KCNQ5: variants seen among roughly 807,000 people sequenced by gnomAD.
The protein encoded by KCNQ5 is potassium voltage-gated channel subfamily Q member 5, also known as potassium voltage-gated channel subfamily KQT member 5.
In KCNQ5, 30 loss-of-function variants were observed where a neutral mutation model predicts 98.2. The observed-to-expected ratio is 0.31, with a 90% CI of 0.23 to 0.41. The LOEUF is 0.41. Among genes scored for constraint, KCNQ5 ranks in the 10% least tolerant of loss-of-function variants. KCNQ5 has a pLI of 1.00. For synonymous variants in KCNQ5, 458 were observed against 449.4 expected (o/e 1.02, Z -0.24); for missense variants, 835 against 1,182.5 (o/e 0.71, Z 4.31).
intron 1 of KCNQ5, chr6:72,987,701 T>C (rs995487837): frequency 7.0e-6 from 4 of 571,762 alleles, no homozygotes; most frequent in African/African-American, 5.8e-5. Context: ...CCCAACAAGA[T>C]CTTTTATATT....
chr6:73,029,806 GA>G (rs1771051852), intron 2 of KCNQ5, among the ~76,000 whole-genome samples: 1 of 151,230 alleles, frequency 6.6e-6, no homozygotes. Flanking sequence ...AGCTACTCAG[GA>G]GGCTGAGGCA....
chr6:72,701,867 T>C (rs1768827016), intron 1 of KCNQ5, among the ~76,000 whole-genome samples: 1 of 151,986 alleles, frequency 6.6e-6, no homozygotes, highest in African/African-American at 2.4e-5. Context: ...CTAATTTTTG[T>C]ATTTTCTGTA....
intron 1 of KCNQ5, among the ~76,000 whole-genome samples, chr6:72,863,522 T>C (rs1266280779): frequency 2.0e-5 from 3 of 152,168 alleles, no homozygotes; most frequent in Admixed American, 2.0e-4. Flanking sequence ...TTGAAAGGAC[T>C]CTAAAGGGCT....
intron 1 of KCNQ5, among the ~76,000 whole-genome samples, chr6:72,704,896 G>T (rs1157936148): frequency 1.3e-5 from 2 of 152,066 alleles, no homozygotes; most frequent in East Asian, 1.9e-4. Context: ...TGTAAATTTT[G>T]TTATGCCCCC....
intron 11 of KCNQ5, among the ~76,000 whole-genome samples, chr6:73,181,547 A>C (rs1385098530): frequency 6.6e-6 from 1 of 152,266 alleles, no homozygotes; most frequent in Non-Finnish European, 1.5e-5. Context: ...TACTTCTTGC[A>C]TGAAACTTTA....
In KCNQ5 at chr6:72,916,591, C is replaced by T. The variant is rs560159112; in HGVS notation, c.399-87317C>T. Among the ~76,000 whole-genome samples the T allele has an allele frequency of 1.2e-4, 19 of 152,276 alleles. No homozygotes were observed. The East Asian group carries it at 1.5e-3, about 12-fold the overall frequency. On this transcript the variant is annotated intron_variant, in intron 1 of 13. Transcript: ENST00000370398. ...TTGTATTCAGCCTGATTATTCCATCCGCAGATCTTAGCAGTAAAACCTTCT... is the reference window on the plus strand; with the variant it reads ...TTGTATTCAGCCTGATTATTCCATCTGCAGATCTTAGCAGTAAAACCTTCT...
chr6:73,010,211 A>G (rs1283640376), intron 2 of KCNQ5, among the ~76,000 whole-genome samples: 1 of 152,130 alleles, frequency 6.6e-6, no homozygotes, highest in Non-Finnish European at 1.5e-5. Flanking sequence ...ACAAAAATTG[A>G]TCAGTGTTAT....
At chr6:73,110,168 G>A (rs1251501914) in intron 6 of KCNQ5, among the ~76,000 whole-genome samples, 2 of 152,144 alleles carry the variant, frequency 1.3e-5, no homozygotes, top group Non-Finnish European at 1.5e-5. Context: ...CTGACTTAGT[G>A]CTTATAAAAT....
chr6:72,720,655 T>G (rs1320719152), intron 1 of KCNQ5, among the ~76,000 whole-genome samples: 1 of 152,228 alleles, frequency 6.6e-6, no homozygotes, highest in Non-Finnish European at 1.5e-5. Flanking sequence ...GAGTGATATG[T>G]GAGTCATAAT....
At chr6:72,713,740 G>C (rs1769493441) in intron 1 of KCNQ5, among the ~76,000 whole-genome samples, 1 of 152,270 alleles carries the variant, frequency 6.6e-6, no homozygotes, top group East Asian at 1.9e-4. Context: ...TTAGAGAGGG[G>C]CATGGAGACT....
chr6:72,987,943 G>A (rs1383523933), intron 1 of KCNQ5, among the ~76,000 whole-genome samples: 1 of 152,162 alleles, frequency 6.6e-6, no homozygotes, highest in Admixed American at 6.5e-5. Flanking sequence ...CAGTTGTGCT[G>A]ATGAAAGCCA....
At chr6:72,704,834 A>G (rs1172234601) in intron 1 of KCNQ5, among the ~76,000 whole-genome samples, 2 of 152,200 alleles carry the variant, frequency 1.3e-5, no homozygotes, top group East Asian at 3.8e-4. Context: ...AAAGATAATT[A>G]TAATGCTATT....
At chr6:73,022,828 G>A (rs1022626888) in intron 2 of KCNQ5, among the ~76,000 whole-genome samples, 1 of 152,094 alleles carries the variant, frequency 6.6e-6, no homozygotes, top group Non-Finnish European at 1.5e-5. Flanking sequence ...GCATCACAAA[G>A]GTCTTGGTCA....
intron 1 of KCNQ5, among the ~76,000 whole-genome samples, chr6:72,839,580 A>T (rs1776693010): frequency 6.6e-6 from 1 of 152,122 alleles, no homozygotes; most frequent in African/African-American, 2.4e-5. Flanking sequence ...TCTTGGTTAG[A>T]CTCAAACTGT....
intron 5 of KCNQ5, among the ~76,000 whole-genome samples, chr6:73,103,832 A>G (rs1378550105): frequency 6.6e-6 from 1 of 152,146 alleles, no homozygotes; most frequent in Non-Finnish European, 1.5e-5. Flanking sequence ...TAATAATTTA[A>G]TTGTACATTT....
chr6:73,141,832 T>C (rs1200097221), intron 10 of KCNQ5, among the ~76,000 whole-genome samples: 1 of 152,240 alleles, frequency 6.6e-6, no homozygotes, highest in African/African-American at 2.4e-5. Flanking sequence ...GCTGTATTAG[T>C]TATCTATTGT....
At chr6:73,037,553 GA>G (rs1771494687) in intron 2 of KCNQ5, among the ~76,000 whole-genome samples, 1 of 152,142 alleles carries the variant, frequency 6.6e-6, no homozygotes, top group Non-Finnish European at 1.5e-5. Context: ...AGGAAGTATA[GA>G]TTAAGGTCCA....
At chr6:72,698,703 A>T (rs1768645421) in intron 1 of KCNQ5, among the ~76,000 whole-genome samples, 1 of 128,556 alleles carries the variant, frequency 7.8e-6, no homozygotes, top group Admixed American at 1.0e-4. Context: ...TTGCCCAGGC[A>T]GTAGTGCTGG....
intron 1 of KCNQ5, among the ~76,000 whole-genome samples, chr6:72,879,768 T>A (rs1044393152): frequency 1.3e-5 from 2 of 152,230 alleles, no homozygotes; most frequent in Non-Finnish European, 2.9e-5. Context: ...GTGTGTGATT[T>A]TTTTTAAAGT....
Sources: allele counts gnomAD v4.1 joint callset (sites outside exome capture counted in the v4.1 genomes callset), GRCh38; gene constraint gnomAD v4.1.1; transcripts MANE v1.5; gene names NCBI Gene and HGNC (gene_info 2026-07-23, HGNC 2026-07-21).